The following NEB variants were observed in gnomAD, a reference collection of about 807,000 sequenced individuals.
NEB encodes the protein nebulin, also known as nemaline myopathy type 2.
Under a neutral mutation model 952.2 loss-of-function variants are expected in NEB, and 512 were observed. That is an observed-to-expected ratio of 0.54 (90% CI 0.50 to 0.58). The LOEUF is 0.58. Among genes scored for constraint, NEB ranks in the 20% least tolerant of loss-of-function variants. The probability of loss-of-function intolerance (pLI) is 0.00; values close to 1 mark genes in which losing one functional copy is unlikely to be tolerated. For missense variants in NEB, 8,428 were observed against 9,231.1 expected (o/e 0.91, Z 3.56); for synonymous variants, 2,900 against 3,149.8 (o/e 0.92, Z 2.66).
chr2:151,563,324 C>T (rs2096203378), intron 119 of NEB, among the ~76,000 whole-genome samples: 1 of 152,032 alleles, frequency 6.6e-6, no homozygotes, highest in Non-Finnish European at 1.5e-5. Context: ...TGAAGTTTTC[C>T]ATCCTTTTAT....
At position 151,664,811 on chromosome 2, in the gene NEB, G is replaced by A. The variant is rs756563857; in HGVS notation, c.5291C>T (p.Pro1764Leu). The change falls in exon 43 of 182, where the codon CCT (proline) becomes CTT (leucine). Residue 1764 changes from proline to leucine, a missense_variant. This residue lies in a region of NEB where 2,851 missense variants were observed against 2,791.5 expected (regional missense o/e 1.02). Coordinates refer to ENST00000397345, the MANE Select transcript of NEB (RefSeq NM_001164508.2). ...GGAGAGTAAAATATCCGGTGTGTCA[G>A]GCATGACATGAATGGTGGTCTTGTC... Reference protein sequence around the residue: ...NKDKTTIHVMPDTPDILLSRV... With the variant: ...NKDKTTIHVMLDTPDILLSRV... 1.3e-5 allele frequency: 21 copies of A among 1,613,048 alleles called. No individual in the cohort carries two copies. In the African/African-American group the frequency reaches 2.5e-4, roughly 19 times the overall value.
intron 176 of NEB, chr2:151,493,105 ATTAAC>A (rs1471528081): frequency 3.6e-5 from 15 of 419,820 alleles, no homozygotes; most frequent in Non-Finnish European, 6.0e-5. Context: ...AACATTGGCA[ATTAAC>A]TTGTTATGTT....
chr2:151,697,935 G>A lies in NEB; in HGVS notation c.1153-287C>T, dbSNP rs574100586. On this transcript the variant is annotated intron_variant, in intron 13 of 181. Coordinates refer to ENST00000397345, the MANE Select transcript of NEB (RefSeq NM_001164508.2). ...CAAAAAGTTACCTGGGCATGGTGGC[G>A]GGTGCCTGTAATCCCAGCTACTTGG... Among the ~76,000 whole-genome samples, 194 of 152,204 alleles carry A rather than the reference G, an allele frequency of 1.3e-3. 1 individual carries two copies. Among genetic ancestry groups the A allele is most frequent in the African/African-American group, 4.5e-3 (187 of 41,548 alleles).
At position 151,568,357 on chromosome 2, in the gene NEB, G is replaced by A. The variant is rs2153745150; in HGVS notation, c.17695C>T (p.Leu5899=). The change falls in exon 112 of 182, where the codon CTG becomes TTG. Residue 5899 remains leucine (L), a synonymous_variant. Transcript: ENST00000397345. ...GCAGCCTCCTGGGCAGTGTGCAGCA[G>A]GGGGGTTTCTGTGAGGGTGTACTTT... ...KSKYTLTETP[L]LHTAQEAARI... 1 of 1,613,578 alleles carries A rather than the reference G, an allele frequency of 6.2e-7. No homozygotes were observed. Among genetic ancestry groups the A allele is most frequent in the Non-Finnish European group, 8.5e-7 (1 of 1,179,712 alleles).
chr2:151,494,268 TG>T lies in NEB; in HGVS notation c.24487-16del, dbSNP rs2058631163. 1 of 1,557,534 alleles carries T rather than the reference TG, an allele frequency of 6.4e-7. No individual in the cohort carries two copies. The highest frequency in any genetic ancestry group is 1.4e-5 in the African/African-American group (1 of 73,882). ...TTGTACAAAACCTATGGGAATCCAA[TG>T]GGTCCAAAAAGCCAAAAAGAAAAAG... On this transcript the variant is annotated splice_polypyrimidine_tract_variant and intron_variant, in intron 173 of 181. Coordinates refer to ENST00000397345, the MANE Select transcript of NEB (RefSeq NM_001164508.2).
In NEB at chr2:151,669,279, G is replaced by A. The variant is rs2099257235; in HGVS notation, c.4507-148C>T. 3 of 608,830 alleles carry A rather than the reference G, an allele frequency of 4.9e-6. No homozygotes were observed. The South Asian group carries it at 5.8e-5, about 12-fold the overall frequency. The allele number at this position is 608,830 out of a possible 1,614,324, so 37.7% of individuals were successfully genotyped here. A position where few individuals can be genotyped will look rare whatever the true frequency, so the allele number is the denominator to read the frequency against. ...ACTCTGTCATAAGGGAGGGGCCCTG[G>A]TAGATGCATTTATGTTCCCATTCTA... is the stretch of plus-strand genomic sequence containing the variant. On this transcript the variant is annotated intron_variant, in intron 38 of 181. Transcript: ENST00000397345.
At chr2:151,532,066 G>A (rs1401721055) in intron 143 of NEB, 170 bp from the exon 144 acceptor site, 2 of 571,592 alleles carry the variant, frequency 3.5e-6, no homozygotes, top group African/African-American at 3.8e-5. Context: ...GTGAAATGGA[G>A]TGAGCAGATG....
intron 153 of NEB, among the ~76,000 whole-genome samples, chr2:151,523,899 G>A (rs2083651841): frequency 6.6e-6 from 1 of 152,058 alleles, no homozygotes; most frequent in South Asian, 2.1e-4. Flanking sequence ...AAAAAAAAAT[G>A]AATATTTTCA....
chr2:151,691,456 CTTTG>C (rs958307903), intron 23 of NEB, among the ~76,000 whole-genome samples: 1 of 152,098 alleles, frequency 6.6e-6, no homozygotes, highest in African/African-American at 2.4e-5. Context: ...GTGCTCCTTC[CTTTG>C]TTTATTACTT....
intron 127 of NEB, 65 bp downstream of exon 127, chr2:151,553,333 C>T: frequency 7.6e-7 from 1 of 1,319,568 alleles, no homozygotes; most frequent in Non-Finnish European, 1.1e-6. Flanking sequence ...TTTACATAAC[C>T]TCCTCTTAAC....
chr2:151,656,091 G>C, intron 49 of NEB, 62 bp downstream of exon 49: 1 of 1,582,686 alleles, frequency 6.3e-7, no homozygotes, highest in Non-Finnish European at 8.6e-7. Flanking sequence ...CATGTAAACA[G>C]ACTGTGATCT....
At chr2:151,645,148 C>T (rs2098939030) in intron 55 of NEB, among the ~76,000 whole-genome samples, 1 of 152,162 alleles carries the variant, frequency 6.6e-6, no homozygotes, top group South Asian at 2.1e-4. Flanking sequence ...TCTATACTTG[C>T]AAGAATCAGG....
chr2:151,664,972 T>C (rs2099194834), intron 42 of NEB, 109 bp from the exon 43 acceptor site: 2 of 787,670 alleles, frequency 2.5e-6, no homozygotes. Context: ...AAATGGATAT[T>C]AGAAAATGGA....
intron 78 of NEB, among the ~76,000 whole-genome samples, chr2:151,611,221 G>A (rs1347047097): frequency 3.3e-5 from 5 of 152,128 alleles, no homozygotes; most frequent in African/African-American, 1.2e-4. Flanking sequence ...TCAATCCCAA[G>A]TGCAAACCCA....
chr2:151,640,301 G>A, intron 61 of NEB, 54 bp downstream of exon 61: 1 of 1,587,940 alleles, frequency 6.3e-7, no homozygotes, highest in Non-Finnish European at 8.6e-7. Flanking sequence ...TTTTCTCCAA[G>A]GGGTGTTAAA....
At chr2:151,671,905 G>T (rs1306007842) in intron 37 of NEB, among the ~76,000 whole-genome samples, 1 of 151,714 alleles carries the variant, frequency 6.6e-6, no homozygotes, top group East Asian at 1.9e-4. Context: ...CATGTTGCAA[G>T]CACAAAACCT....
At chr2:151,502,573 A>G (rs1269949345) in intron 167 of NEB, among the ~76,000 whole-genome samples, 3 of 152,116 alleles carry the variant, frequency 2.0e-5, no homozygotes, top group Non-Finnish European at 4.4e-5. Context: ...ACAGAGTATT[A>G]CAGGTTTTTA....
intron 124 of NEB, among the ~76,000 whole-genome samples, chr2:151,559,198 C>A (rs537063465): frequency 6.6e-6 from 1 of 152,332 alleles, no homozygotes; most frequent in South Asian, 2.1e-4. Context: ...AAATGCTCAT[C>A]ATCACTGGTC....
intron 173 of NEB, among the ~76,000 whole-genome samples, chr2:151,494,823 AT>A (rs1361337534): frequency 4.0e-5 from 6 of 151,582 alleles, no homozygotes; most frequent in East Asian, 1.9e-4. Flanking sequence ...TAATTTTTGT[AT>A]TTTTTAGTAG....
Sources: gnomAD v4.1 joint callset for allele counts (sites outside exome capture counted in the v4.1 genomes callset) on GRCh38, gnomAD v4.1.1 for gene constraint, gnomAD v4.1.1 regional missense constraint, MANE v1.5 for transcripts, NCBI Gene and HGNC (gene_info 2026-07-23, HGNC 2026-07-21) for gene names.